The following XIRP2 variants were observed in gnomAD, a reference collection of about 807,000 sequenced individuals.
XIRP2 encodes xin actin-binding repeat-containing protein 2.
A neutral mutation model predicts 277.0 loss-of-function variants in XIRP2; 236 were observed. The ratio of observed to expected loss-of-function variants is 0.85; its 90% confidence interval spans 0.77 to 0.95. The LOEUF (loss-of-function observed/expected upper bound fraction) is 0.95. XIRP2 is among the 40% of genes least tolerant of loss of function. The pLI is 0.00. For missense variants in XIRP2, 4,640 were observed against 4,157.5 expected, an observed-to-expected ratio of 1.12 and a Z score of -3.19; for synonymous variants, 1,490 against 1,416.5, an observed-to-expected ratio of 1.05 and a Z score of -1.17.
chr2:166,889,381 A>G, intron 1 of XIRP2: 1 of 152,822 alleles, frequency 6.5e-6, no homozygotes, highest in Non-Finnish European at 1.5e-5. Flanking sequence ...AGGATGTCCC[A>G]GGCCATGGGG....
At chr2:167,009,056 T>C (rs1045964000) in intron 2 of XIRP2, among the ~76,000 whole-genome samples, 2 of 151,486 alleles carry the variant, frequency 1.3e-5, no homozygotes, top group African/African-American at 4.8e-5. Context: ...TTTATTTATT[T>C]ATTATTTTAT....
At chr2:166,909,008 T>G (rs967049330) in intron 2 of XIRP2, among the ~76,000 whole-genome samples, 32 of 152,292 alleles carry the variant, frequency 2.1e-4, no homozygotes, top group South Asian at 4.1e-4. Context: ...CATGCTGTTT[T>G]GGTTACTATA....
chr2:167,218,290 G>A lies in XIRP2; in HGVS notation c.848G>A (p.Arg283Lys). ...CAATACCAATATCAACATCAGAACA[G>A]ATCTGAGCAGGTAATACTACTACAG... is the stretch of plus-strand genomic sequence containing the variant. Reference protein sequence around the residue: ...FAQYQYQHQNRSEQEAIHSSQ... With the variant: ...FAQYQYQHQNKSEQEAIHSSQ... The change falls in exon 5 of 11, where the codon AGA becomes AAA. Residue 283 changes from arginine to lysine, a missense_variant. Physicochemically the swap from Arg to Lys is conservative, Grantham distance 26 (BLOSUM62 2). Transcript: ENST00000409195. 3.2e-6 allele frequency: 5 copies of A among 1,563,134 alleles called. No homozygotes were observed. The highest frequency in any genetic ancestry group is 4.3e-6 in the Non-Finnish European group (5 of 1,154,402).
At chr2:167,045,297 A>G (rs2105526049) in intron 2 of XIRP2, among the ~76,000 whole-genome samples, 1 of 152,138 alleles carries the variant, frequency 6.6e-6, no homozygotes, top group East Asian at 1.9e-4. Context: ...ACTATAAAAA[A>G]TCTTAGAAGA....
intron 2 of XIRP2, among the ~76,000 whole-genome samples, chr2:166,909,887 T>C (rs963137374): frequency 3.3e-5 from 5 of 152,378 alleles, no homozygotes; most frequent in Non-Finnish European, 7.3e-5. Flanking sequence ...TTTTTATCTT[T>C]GGTTCTGTTT....
intron 2 of XIRP2, among the ~76,000 whole-genome samples, chr2:167,102,392 C>T (rs1462248779): frequency 3.3e-5 from 5 of 152,226 alleles, no homozygotes; most frequent in African/African-American, 1.2e-4. Context: ...GTGCCAGCCA[C>T]TTTCTGTCAA....
intron 3 of XIRP2, among the ~76,000 whole-genome samples, chr2:167,193,879 C>CAAAAAAAAAAA (rs767047580): frequency 1.4e-5 from 1 of 71,798 alleles, no homozygotes; most frequent in African/African-American, 5.2e-5. Flanking sequence ...GACTCTGTCT[C>CAAAAAAAAAAA]AAAAAAAAAA....
intron 2 of XIRP2, among the ~76,000 whole-genome samples, chr2:167,131,522 G>A (rs4402721): frequency 6.6e-6 from 1 of 152,168 alleles, no homozygotes; most frequent in East Asian, 1.9e-4. Flanking sequence ...TACTTCCAAG[G>A]AAGCAATTTT....
chr2:167,109,808 C>T (rs781015556), intron 2 of XIRP2, among the ~76,000 whole-genome samples: 1 of 152,078 alleles, frequency 6.6e-6, no homozygotes, highest in Non-Finnish European at 1.5e-5. Context: ...GTAAGCATTC[C>T]CTTTTCTCCA....
chr2:167,047,236 ACAGT>A (rs1469873571), intron 2 of XIRP2, among the ~76,000 whole-genome samples: 10 of 152,004 alleles, frequency 6.6e-5, no homozygotes, highest in African/African-American at 1.2e-4. Context: ...ATTTTTACAT[ACAGT>A]ATCAACTTAC....
chr2:167,153,563 C>T (rs1046189397), intron 3 of XIRP2, among the ~76,000 whole-genome samples: 2 of 151,966 alleles, frequency 1.3e-5, no homozygotes, highest in Admixed American at 6.6e-5. Flanking sequence ...CCCCACTCCC[C>T]CCACCCCACA....
chr2:166,956,856 G>A (rs1463805927), intron 2 of XIRP2, among the ~76,000 whole-genome samples: 1 of 151,728 alleles, frequency 6.6e-6, no homozygotes, highest in African/African-American at 2.4e-5. Context: ...AGGGAAATGT[G>A]TCACAAGACC....
At position 167,250,477 on chromosome 2, in the gene XIRP2, A is replaced by G. The variant is rs529291584; in HGVS notation, c.9085A>G (p.Ile3029Val). The change falls in exon 9 of 11, where the codon ATA becomes GTA. Residue 3029 changes from isoleucine to valine, a missense_variant. By Grantham distance (29) the Ile-to-Val change is conservative. Transcript: ENST00000409195. ...AEDMLVSYEN[I>V]IQTAMMSSKT... ...AGATATGCTTGTGTCCTATGAAAAT[A>G]TAATTCAGACAGCCATGATGTCCTC... is the stretch of plus-strand genomic sequence containing the variant. The G allele has an allele frequency of 2.5e-6, 4 of 1,613,448 alleles. No homozygotes were observed. Among genetic ancestry groups the G allele is most frequent in the South Asian group, 1.1e-5 (1 of 91,010 alleles).
intron 2 of XIRP2, among the ~76,000 whole-genome samples, chr2:166,929,073 C>T (rs995020865): frequency 6.6e-6 from 1 of 151,964 alleles, no homozygotes; most frequent in Non-Finnish European, 1.5e-5. Context: ...CAACCAGCAG[C>T]CTCAGCCTCA....
At chr2:167,104,991 A>G (rs7580360) in intron 2 of XIRP2, among the ~76,000 whole-genome samples, 45,367 of 151,982 alleles carry the variant, frequency 0.3, 9,327 homozygotes, top group African/African-American at 0.58. Context: ...ATTGCATTTC[A>G]GCTAATTTGA....
Position 167,210,736 on chromosome 2 carries a change from G to A in XIRP2, c.564G>A (p.Ala188=), listed in dbSNP as rs1437530147. The change falls in exon 4 of 11, where the codon GCG becomes GCA. Residue 188 remains alanine, a splice_region_variant and synonymous_variant. Transcript: ENST00000409195. ...PESGHSRIFE[A]TAGPNKPESG... ...TAAGCATGCTCTGTTTGCTTTCAGC[G>A]ACTGCTGGCCCTAATAAGCCTGAGA... 8.7e-6 allele frequency: 14 copies of A among 1,614,032 alleles called. No individual in the cohort carries two copies. Among genetic ancestry groups the A allele is most frequent in the Middle Eastern group, 1.7e-4 (1 of 6,060 alleles).
In XIRP2 at chr2:167,243,693, A is replaced by G. The variant is rs747637962; in HGVS notation, c.2301A>G (p.Val767=). 1 of 1,614,082 alleles carries G rather than the reference A, an allele frequency of 6.2e-7. No individual in the cohort carries two copies. The highest frequency in any genetic ancestry group is 1.3e-5 in the African/African-American group (1 of 75,056). ...GAGAAGACGTTGAAAAGGGAGATGT[A>G]AGAACAGCACGGTGGATGTTTGAAA... ...VHREDVEKGD[V]RTARWMFETQ... is the part of the protein sequence containing the mutation. Residue 767 remains valine (V), a synonymous_variant, in exon 9 of 11, where the codon GTA becomes GTG. Coordinates refer to ENST00000409195, the MANE Select transcript of XIRP2 (RefSeq NM_152381.6).
At position 167,201,257 on chromosome 2, in the gene XIRP2, A is replaced by AG. The variant is rs1559018441; in HGVS notation, c.563-9477dup. ...AAGAAAGAAAGAAAGAAAGAAAGAAAGAAAGAGAGAGGGAGAAAGGAAAGA... is the reference window on the plus strand; with the variant it reads ...AAGAAAGAAAGAAAGAAAGAAAGAAAGGAAAGAGAGAGGGAGAAAGGAAAGA... On this transcript the variant is annotated intron_variant, in intron 3 of 10. Transcript: ENST00000409195. 1.0e-3 allele frequency among the ~76,000 whole-genome samples: 101 copies of AG among 96,354 alleles called. 2 individuals are homozygous for AG. Among genetic ancestry groups the AG allele is most frequent in the African/African-American group, 5.7e-3 (84 of 14,616 alleles). 63.2% of individuals were successfully genotyped at this position (96,354 alleles called of 152,430 possible). A position where few individuals can be genotyped will look rare whatever the true frequency, so the allele number is the denominator to read the frequency against.
At position 167,258,920 on chromosome 2, in the gene XIRP2, C is replaced by A; in HGVS notation, c.*1103C>A. Reference sequence around the variant, plus strand: ...GACTGACAGAGCAGCTGCTGGCAGTCCTGTGCAGCCTGCTCCAAAACCAAG... The same window carrying A: ...GACTGACAGAGCAGCTGCTGGCAGTACTGTGCAGCCTGCTCCAAAACCAAG... On this transcript the variant is annotated 3_prime_UTR_variant, in exon 11 of 11. Coordinates refer to ENST00000409195, the MANE Select transcript of XIRP2 (RefSeq NM_152381.6). 3 of 1,613,048 alleles carry A rather than the reference C, an allele frequency of 1.9e-6. No individual in the cohort carries two copies. The highest frequency in any genetic ancestry group is 1.7e-6 in the Non-Finnish European group (2 of 1,179,590).
Sources: allele counts gnomAD v4.1 joint callset (sites outside exome capture counted in the v4.1 genomes callset), GRCh38; gene constraint gnomAD v4.1.1; transcripts MANE v1.5; gene names NCBI Gene and HGNC (gene_info 2026-07-23, HGNC 2026-07-21).